MAP4K3: variants seen among roughly 807,000 people sequenced by gnomAD.
MAP4K3 encodes the protein mitogen-activated protein kinase kinase kinase kinase 3.
A neutral mutation model predicts 143.5 loss-of-function variants in MAP4K3; 94 were observed. The ratio of observed to expected loss-of-function variants is 0.65; its 90% CI spans 0.55 to 0.78. The LOEUF (loss-of-function observed/expected upper bound fraction) is 0.78. MAP4K3 is among the 30% of genes least tolerant of loss of function. The pLI is 0.00. For synonymous variants in MAP4K3, 416 were observed against 347.2 expected, an observed-to-expected ratio of 1.20 and a Z score of -2.20; for missense variants, 1,077 against 1,068.1, an observed-to-expected ratio of 1.01 and a Z score of -0.12.
At chr2:39,379,480 G>A (rs1211609683) in intron 1 of MAP4K3, among the ~76,000 whole-genome samples, 4 of 151,968 alleles carry the variant, frequency 2.6e-5, no homozygotes, top group African/African-American at 7.2e-5. Flanking sequence ...GACAGTGCTG[G>A]ATACTAGTTC....
At chr2:39,279,454 G>A (rs1177062952) in intron 23 of MAP4K3, among the ~76,000 whole-genome samples, 1 of 152,122 alleles carries the variant, frequency 6.6e-6, no homozygotes, top group Non-Finnish European at 1.5e-5. Flanking sequence ...ATATAAAAAT[G>A]TTCACGTATA....
chr2:39,432,191 C>T (rs1004090807), intron 1 of MAP4K3, among the ~76,000 whole-genome samples: 3 of 152,168 alleles, frequency 2.0e-5, no homozygotes, highest in African/African-American at 7.2e-5. Flanking sequence ...GTTCAATGTA[C>T]TCTCATGAGA....
At chr2:39,350,415 A>T (rs1254809845) in intron 3 of MAP4K3, among the ~76,000 whole-genome samples, 1 of 152,248 alleles carries the variant, frequency 6.6e-6, no homozygotes, top group East Asian at 1.9e-4. Flanking sequence ...AGAACTCTGT[A>T]CTATTTGCAA....
intron 15 of MAP4K3, among the ~76,000 whole-genome samples, chr2:39,304,906 C>T (rs571682791): frequency 1.6e-4 from 25 of 152,248 alleles, no homozygotes; most frequent in Non-Finnish European, 2.8e-4. Context: ...CGCTGCAACA[C>T]GGAGGAACCC....
At chr2:39,400,918 G>C (rs186950685) in intron 1 of MAP4K3, among the ~76,000 whole-genome samples, 1 of 152,132 alleles carries the variant, frequency 6.6e-6, no homozygotes, top group East Asian at 1.9e-4. Flanking sequence ...TGAAATATCG[G>C]TTAGTTCTGA....
At chr2:39,320,869 G>T (rs1161032980) in intron 12 of MAP4K3, among the ~76,000 whole-genome samples, 2 of 151,950 alleles carry the variant, frequency 1.3e-5, no homozygotes, top group Non-Finnish European at 2.9e-5. Flanking sequence ...TATCTTTGTG[G>T]AAACATAATT....
Position 39,286,932 on chromosome 2 carries a change from C to T in MAP4K3, c.1507G>A (p.Glu503Lys). 6.2e-7 allele frequency: 1 copy of T among 1,608,404 alleles called. No individual in the cohort carries two copies. Among genetic ancestry groups the T allele is most frequent in the Non-Finnish European group, 8.5e-7 (1 of 1,177,768 alleles). The change falls in exon 21 of 34, where the codon GAA becomes AAA. Residue 503 changes from glutamate to lysine, a missense_variant. Around this residue, in one of 2 missense-constraint regions of MAP4K3, gnomAD observed 864 missense variants for 801.2 expected, o/e 1.08. Transcript: ENST00000263881. The part of the protein sequence containing the change: ...NGMSSFQLNG[E>K]RDGSLCQQQN... The stretch of plus-strand genomic sequence containing the variant: ...TGTTGACATAATGAGCCATCTCGTT[C>T]ACCATTTAACTGGAAGGAGCTCATT...
At chr2:39,389,387 C>G (rs1183740028) in intron 1 of MAP4K3, among the ~76,000 whole-genome samples, 1 of 152,032 alleles carries the variant, frequency 6.6e-6, no homozygotes, top group East Asian at 1.9e-4. Context: ...TTTCAAGACA[C>G]CATGGCTGAA....
At chr2:39,405,326 G>A (rs772200769) in intron 1 of MAP4K3, among the ~76,000 whole-genome samples, 5 of 152,208 alleles carry the variant, frequency 3.3e-5, no homozygotes, top group Admixed American at 6.5e-5. Flanking sequence ...CACCAAGGAC[G>A]TACCTCTACA....
At chr2:39,402,749 C>T (rs961345373) in intron 1 of MAP4K3, among the ~76,000 whole-genome samples, 3 of 151,162 alleles carry the variant, frequency 2.0e-5, no homozygotes, top group African/African-American at 7.3e-5. Context: ...GCTCTGTTAC[C>T]TCTAAGAAGA....
chr2:39,298,455 G>A (rs1682373129), intron 16 of MAP4K3, among the ~76,000 whole-genome samples: 1 of 151,938 alleles, frequency 6.6e-6, no homozygotes, highest in Non-Finnish European at 1.5e-5. Flanking sequence ...TCTCCAGATT[G>A]TTATTAAAGC....
intron 29 of MAP4K3, among the ~76,000 whole-genome samples, chr2:39,259,817 A>C (rs1680493964): frequency 6.6e-6 from 1 of 152,186 alleles, no homozygotes; most frequent in South Asian, 2.1e-4. Context: ...TTGTAATATT[A>C]ATTTAATTAT....
chr2:39,250,512 A>C lies in MAP4K3; in HGVS notation c.*106T>G. Reference sequence around the variant, plus strand: ...CTCATGCCACAATAAATTACAAAGTAACTGAAGACAGGTTACTGCAGCTTT... The same window carrying C: ...CTCATGCCACAATAAATTACAAAGTCACTGAAGACAGGTTACTGCAGCTTT... On this transcript the variant is annotated 3_prime_UTR_variant, in exon 34 of 34. Transcript: ENST00000263881. 1.9e-6 allele frequency: 2 copies of C among 1,041,626 alleles called. No individual in the cohort carries two copies. The highest frequency in any genetic ancestry group is 2.8e-6 in the Non-Finnish European group (2 of 720,696). The allele number at this position is 1,041,626 out of a possible 1,614,324, so 64.5% of individuals were successfully genotyped here.
In MAP4K3 at chr2:39,325,885, A is replaced by G; in HGVS notation, c.725+14T>C. 2 of 1,570,374 alleles carry G rather than the reference A, an allele frequency of 1.3e-6. No individual in the cohort carries two copies. The highest frequency in any genetic ancestry group is 1.4e-5 in the African/African-American group (1 of 73,518). On this transcript the variant is annotated intron_variant, in intron 10 of 33. Transcript: ENST00000263881. Reference sequence around the variant, plus strand: ...TCATCTCACCATAAAAGTAAATAACATAAAAATACTTACCATTTCATTTTA... The same window carrying G: ...TCATCTCACCATAAAAGTAAATAACGTAAAAATACTTACCATTTCATTTTA...
chr2:39,344,707 C>G (rs879458864), intron 3 of MAP4K3, among the ~76,000 whole-genome samples: 5 of 152,064 alleles, frequency 3.3e-5, no homozygotes, highest in Non-Finnish European at 5.9e-5. Flanking sequence ...ATGAAAATAC[C>G]TAGGAAAATG....
Position 39,326,241 on chromosome 2 carries a change from C to T in MAP4K3, c.567G>A (p.Gly189=), listed in dbSNP as rs1027616461. 1.9e-6 allele frequency: 3 copies of T among 1,613,700 alleles called. No individual in the cohort carries two copies. Among genetic ancestry groups the T allele is most frequent in the African/African-American group, 2.7e-5 (2 of 74,990 alleles). ...AGAGATCACAGAGTTGATTGTAACC[C>T]CCCTTCCTCTCAACAGCTGCAACTT... ...APEVAAVERK[G]GYNQLCDLWA... Residue 189 remains glycine, a synonymous_variant, in exon 9 of 34, where the codon GGG becomes GGA. Transcript: ENST00000263881.
intron 1 of MAP4K3, among the ~76,000 whole-genome samples, chr2:39,434,144 T>G (rs900950472): frequency 6.6e-6 from 1 of 152,240 alleles, no homozygotes; most frequent in African/African-American, 2.4e-5. Flanking sequence ...ATCTCTTATT[T>G]ATTTAATCCA....
At chr2:39,337,678 C>A in intron 4 of MAP4K3, 97 bp from the exon 5 acceptor site, 1 of 701,864 alleles carries the variant, frequency 1.4e-6, no homozygotes, top group South Asian at 1.8e-5. Context: ...ACTTAATATC[C>A]CTAAACAATT....
In MAP4K3 at chr2:39,270,978, T is replaced by C. The variant is rs182984841; in HGVS notation, c.1973+1305A>G. Among the ~76,000 whole-genome samples, 215 of 151,990 alleles carry C rather than the reference T, an allele frequency of 1.4e-3. 1 individual carries two copies. The highest frequency in any genetic ancestry group is 4.5e-3 in the African/African-American group (188 of 41,476). On this transcript the variant is annotated intron_variant, in intron 26 of 33. Coordinates refer to ENST00000263881, the MANE Select transcript of MAP4K3 (RefSeq NM_003618.4). ...CTGTTACTATTAAAAAAACTAAAGA[T>C]TGACTATAATAAAATTCCTGAAATA...
Sources: gnomAD v4.1 joint callset for allele counts (sites outside exome capture counted in the v4.1 genomes callset) on GRCh38, gnomAD v4.1.1 for gene constraint, gnomAD v4.1.1 regional missense constraint, MANE v1.5 for transcripts, NCBI Gene and HGNC (gene_info 2026-07-23, HGNC 2026-07-21) for gene names.